The following APOL5 variants were observed in gnomAD, a reference collection of about 807,000 sequenced individuals.
APOL5 encodes the protein apolipoprotein L, 5.
APOL5 carries 29 observed loss-of-function variants against 35.5 expected under a neutral mutation model. The ratio of observed to expected loss-of-function variants is 0.82; its 90% CI spans 0.61 to 1.11. The LOEUF (loss-of-function observed/expected upper bound fraction) is 1.11, where lower values mean the gene tolerates loss of function less well. Among genes scored for constraint, APOL5 ranks in the 50% most tolerant of loss-of-function variants. The pLI is 0.00. For missense variants in APOL5, 514 were observed against 530.4 expected (o/e 0.97, Z 0.30); for synonymous variants, 188 against 200.2 (o/e 0.94, Z 0.51).
upstream of APOL5, among the ~76,000 whole-genome samples, chr22:35,715,834 C>G (rs1438660291): frequency 6.6e-6 from 1 of 152,196 alleles, no homozygotes; most frequent in Non-Finnish European, 1.5e-5. Flanking sequence ...AAACCACTCA[C>G]TGCATCAGCT....
At chr22:35,711,599 T>TTTCCTTCCCTCCTTCCTTCC in the APOL5 span, among the ~76,000 whole-genome samples, 1 of 77,508 alleles carries the variant, frequency 1.3e-5, no homozygotes, top group African/African-American at 5.6e-5. Flanking sequence ...TCACCATGTT[T>TTTCCTTCCCTCCTTCCTTCC]TTCCTTCCTT....
At chr22:35,720,476 A>T in intron 1 of APOL5, 92 bp from the exon 2 acceptor site, 3 of 1,025,752 alleles carry the variant, frequency 2.9e-6, no homozygotes, top group Non-Finnish European at 4.5e-6. Flanking sequence ...CCAATATTGT[A>T]ATTAGACAGC....
chr22:35,716,090 A>G (rs1244280358), upstream of APOL5, among the ~76,000 whole-genome samples: 1 of 152,230 alleles, frequency 6.6e-6, no homozygotes. Context: ...AAGTTAGAAA[A>G]ACTTACATAG....
At position 35,726,435 on chromosome 22, in the gene APOL5, C is replaced by G; in HGVS notation, c.367C>G (p.Leu123Val). Residue 123 changes from leucine (L) to valine (V), a missense_variant, in exon 3 of 5, where the codon CTT becomes GTT. Coordinates refer to ENST00000249044, the MANE Select transcript of APOL5 (RefSeq NM_030642.1). ...ACAGAACATCAAAGAACTTAACACC[C>G]TTGCGGACCAAGTTGACACCACTCA... ...LEQNIKELNTLADQVDTTHEL... is the reference protein window; with the variant it reads ...LEQNIKELNTVADQVDTTHEL... The G allele has an allele frequency of 6.2e-7, 1 of 1,614,176 alleles. No individual in the cohort carries two copies. The highest frequency in any genetic ancestry group is 8.5e-7 in the Non-Finnish European group (1 of 1,180,048).
At chr22:35,713,155 A>T (rs1159973221), upstream of APOL5, among the ~76,000 whole-genome samples, 1 of 152,330 alleles carries the variant, frequency 6.6e-6, no homozygotes, top group East Asian at 1.9e-4. Context: ...AGCCCTGCTC[A>T]TTCCCATTGC....
chr22:35,712,605 T>G, the APOL5 span, among the ~76,000 whole-genome samples: 1 of 152,224 alleles, frequency 6.6e-6, no homozygotes, highest in Admixed American at 6.5e-5. Flanking sequence ...GGGAGAAATA[T>G]CTATTCACAT....
intron 2 of APOL5, among the ~76,000 whole-genome samples, chr22:35,720,870 C>T (rs910640011): frequency 1.1e-4 from 16 of 152,248 alleles, no homozygotes; most frequent in East Asian, 3.9e-4. Flanking sequence ...CTCAGCCTCA[C>T]GAGTAGCTGG....
rs754992975 is a variant in APOL5 at position 35,727,037 on chromosome 22, G to T, written c.969G>T (p.Thr323=). ...SWKHLEDGAR[T]ETAEELRALA... ...AGCACCTGGAGGATGGGGCAAGGAC[G>T]GAGACAGCAGAGGAACTGAGAGCAC... The change falls in exon 3 of 5, where the codon ACG becomes ACT. Residue 323 remains threonine (T), a synonymous_variant. Coordinates refer to ENST00000249044, the MANE Select transcript of APOL5 (RefSeq NM_030642.1). 2.5e-6 allele frequency: 4 copies of T among 1,613,896 alleles called. No homozygotes were observed. Among genetic ancestry groups the T allele is most frequent in the African/African-American group, 1.3e-5 (1 of 74,942 alleles).
intron 2 of APOL5, among the ~76,000 whole-genome samples, chr22:35,722,596 C>T (rs761313333): frequency 6.6e-5 from 10 of 152,152 alleles, no homozygotes; most frequent in Admixed American, 2.6e-4. Flanking sequence ...CCACTGCGCC[C>T]GGCCCTAGGT....
At chr22:35,718,861 C>A (rs1457135599) in intron 1 of APOL5, among the ~76,000 whole-genome samples, 1 of 152,046 alleles carries the variant, frequency 6.6e-6, no homozygotes, top group Non-Finnish European at 1.5e-5. Context: ...AGTTTGAGAC[C>A]AGCCTGGCCA....
Position 35,728,781 on chromosome 22 carries a change from C to A in APOL5, c.1185C>A (p.Gly395=), listed in dbSNP as rs753644173. The part of the protein sequence containing the change: ...VVEHQPRLGP[G]VALRTPKRTV... ...AGCACCAGCCTAGGCTGGGCCCTGG[C>A]GTGGCACTGAGGACACCAAAGAGGA... The change falls in exon 4 of 5, where the codon GGC becomes GGA. Residue 395 remains glycine (G), a synonymous_variant. Coordinates refer to ENST00000249044, the MANE Select transcript of APOL5 (RefSeq NM_030642.1). 1.9e-6 allele frequency: 3 copies of A among 1,613,524 alleles called. No homozygotes were observed. The highest frequency in any genetic ancestry group is 1.1e-5 in the South Asian group (1 of 90,882).
In APOL5 at chr22:35,726,379, C is replaced by T. The variant is rs145777410; in HGVS notation, c.311C>T (p.Ser104Leu). ...NLSEEEKLFL[S>L]YFPLHKFELE... is the part of the protein sequence containing the mutation. ...TCAGAGGAGGAAAAATTGTTTCTCT[C>T]ATATTTTCCTTTGCACAAGTTTGAG... The change falls in exon 3 of 5, where the codon TCA (serine) becomes TTA (leucine). Residue 104 changes from serine (S) to leucine (L), a missense_variant. Physicochemically the swap from Ser to Leu is moderately radical, Grantham distance 145. Around this residue, in one of 3 missense-constraint regions of APOL5, gnomAD observed 254 missense variants for 254.7 expected, o/e 1.00. Transcript: ENST00000249044. 1 of 1,614,106 alleles carries T rather than the reference C, an allele frequency of 6.2e-7. No homozygotes were observed. Among genetic ancestry groups the T allele is most frequent in the Admixed American group, 1.7e-5 (1 of 60,024 alleles).
At chr22:35,727,245 A>C (rs757255520) in intron 3 of APOL5, 51 bp downstream of exon 3, 14 of 1,550,228 alleles carry the variant, frequency 9.0e-6, no homozygotes, top group Middle Eastern at 2.4e-4. Context: ...CTAAAAGCTT[A>C]CCATGAGGGT....
chr22:35,720,735 A>C, intron 2 of APOL5, 81 bp downstream of exon 2: 1 of 1,029,000 alleles, frequency 9.7e-7, no homozygotes, highest in Non-Finnish European at 1.5e-6. Context: ...CCCAGCACTC[A>C]ATGAGTATTT....
chr22:35,713,726 A>C (rs369356325), upstream of APOL5, among the ~76,000 whole-genome samples: 36 of 152,298 alleles, frequency 2.4e-4, no homozygotes, highest in East Asian at 1.9e-3. Flanking sequence ...AGCACCAACC[A>C]AAATCCACCC....
upstream of APOL5, among the ~76,000 whole-genome samples, chr22:35,717,133 C>T (rs935986717): frequency 6.7e-6 from 1 of 150,100 alleles, no homozygotes; most frequent in Non-Finnish European, 1.5e-5. Context: ...CACCTGTAAT[C>T]CTAGCACTTT....
the APOL5 span, among the ~76,000 whole-genome samples, chr22:35,709,778 T>C: frequency 6.6e-6 from 1 of 151,970 alleles, no homozygotes; most frequent in Non-Finnish European, 1.5e-5. Flanking sequence ...TTCTATATCT[T>C]TTTTTTTAAT....
chr22:35,717,235 A>AAAAAAAAAATATATATATAT, upstream of APOL5, among the ~76,000 whole-genome samples: 1 of 57,664 alleles, frequency 1.7e-5, no homozygotes, highest in Non-Finnish European at 3.1e-5. Flanking sequence ...AAAAAAAAAA[A>AAAAAAAAAATATATATATAT]ATATATATAT....
At chr22:35,708,567 A>G in the APOL5 span, among the ~76,000 whole-genome samples, 1 of 152,214 alleles carries the variant, frequency 6.6e-6, no homozygotes, top group Non-Finnish European at 1.5e-5. Flanking sequence ...TTTGTCAAGA[A>G]CCTTCAGGAT....
Sources: gnomAD v4.1 joint callset for allele counts (sites outside exome capture counted in the v4.1 genomes callset) on GRCh38, gnomAD v4.1.1 for gene constraint, gnomAD v4.1.1 regional missense constraint, MANE v1.5 for transcripts, NCBI Gene and HGNC (gene_info 2026-07-23, HGNC 2026-07-21) for gene names.